Variants in TATDN3 observed in about 807,000 individuals in gnomAD.
TATDN3 encodes TatD DNase domain containing 3.
In TATDN3, 29 loss-of-function variants were observed where a neutral mutation model predicts 40.1. The ratio of observed to expected loss-of-function variants is 0.72; its 90% confidence interval spans 0.54 to 0.99. The LOEUF (loss-of-function observed/expected upper bound fraction) is 0.99, where lower values mean the gene tolerates loss of function less well. Ranked by LOEUF, TATDN3 falls within the 50% of genes least tolerant of loss-of-function variation. The pLI is 0.00. For synonymous variants in TATDN3, 105 were observed against 117.0 expected, an observed-to-expected ratio of 0.90 and a Z score of 0.66; for missense variants, 309 against 321.9, an observed-to-expected ratio of 0.96 and a Z score of 0.31.
intron 4 of TATDN3, among the ~76,000 whole-genome samples, chr1:212,801,192 T>TA (rs958230773): frequency 1.3e-3 from 183 of 146,074 alleles, no homozygotes; most frequent in African/African-American, 4.1e-3. Flanking sequence ...ACCCTATCTT[T>TA]AAAAAAAAAA....
At chr1:212,808,955 C>G (rs979467601) in intron 8 of TATDN3, among the ~76,000 whole-genome samples, 1 of 152,106 alleles carries the variant, frequency 6.6e-6, no homozygotes, top group Admixed American at 6.5e-5. Context: ...AGATTTCCGT[C>G]AGCTGATGAA....
At chr1:212,809,946 C>T (rs1246405216) in intron 8 of TATDN3, among the ~76,000 whole-genome samples, 1 of 151,982 alleles carries the variant, frequency 6.6e-6, no homozygotes, top group Non-Finnish European at 1.5e-5. Flanking sequence ...ATCACTTGAA[C>T]CCAGGAGGCA....
At chr1:212,807,677 A>G in intron 7 of TATDN3, 59 bp from the exon 8 acceptor site, 1 of 1,334,120 alleles carries the variant, frequency 7.5e-7, no homozygotes, top group East Asian at 2.4e-5. Context: ...GACTTCTGTT[A>G]TTTAATTTGA....
At chr1:212,814,850 C>T (rs1663096875) in intron 9 of TATDN3, among the ~76,000 whole-genome samples, 163 bp from the exon 10 acceptor site, 1 of 152,144 alleles carries the variant, frequency 6.6e-6, no homozygotes, top group African/African-American at 2.4e-5. Context: ...ATCAACATTG[C>T]AGCCACACCT....
rs372533080 is a variant in TATDN3, at chr1:212,815,016, C to T, written c.685C>T (p.Arg229Trp). 7.2e-5 allele frequency: 116 copies of T among 1,611,188 alleles called. No individual in the cohort carries two copies. Among genetic ancestry groups the T allele is most frequent in the African/African-American group, 6.7e-5 (5 of 74,750 alleles). ...SPALGPEKQVRNEPWNISISA... is the reference protein window; with the variant it reads ...SPALGPEKQVWNEPWNISISA... ...GGTGTCTGCTGTCTTGTTTCAGGTACGGAATGAGCCCTGGAACATTTCTAT... is the reference window on the plus strand; with the variant it reads ...GGTGTCTGCTGTCTTGTTTCAGGTATGGAATGAGCCCTGGAACATTTCTAT... The change falls in exon 10 of 10, where the codon CGG becomes TGG. Residue 229 changes from arginine to tryptophan, a missense_variant. Physicochemically the swap from Arg to Trp is moderately radical, Grantham distance 101. Coordinates refer to ENST00000366974, the MANE Select transcript of TATDN3 (RefSeq NM_001042552.3).
Position 212,796,500 on chromosome 1 carries a change from C to T in TATDN3, c.100-17C>T, listed in dbSNP as rs1353516492. On this transcript the variant is annotated splice_polypyrimidine_tract_variant and intron_variant, in intron 2 of 9. Transcript: ENST00000366974. ...AATGTATATTGTTTGTAACTTTATT[C>T]TTTTTTTTTTTTTCAGGCCAATGTT... The T allele has an allele frequency of 1.8e-5, 24 of 1,323,862 alleles. No homozygotes were observed. Among genetic ancestry groups the T allele is most frequent in the Admixed American group, 8.2e-5 (3 of 36,532 alleles). The allele number at this position is 1,323,862 out of a possible 1,614,324, so 82.0% of individuals were successfully genotyped here.
chr1:212,812,235 T>C lies in TATDN3; in HGVS notation c.601-13T>C. On this transcript the variant is annotated splice_polypyrimidine_tract_variant and intron_variant, in intron 8 of 9. Coordinates refer to ENST00000366974, the MANE Select transcript of TATDN3 (RefSeq NM_001042552.3). Reference sequence around the variant, plus strand: ...TCATGTTTTAAACTTAGCTGCTTTCTCTTTTCTCTAAGAAGCAGAAACTTG... The same window carrying C: ...TCATGTTTTAAACTTAGCTGCTTTCCCTTTTCTCTAAGAAGCAGAAACTTG... The C allele has an allele frequency of 6.5e-7, 1 of 1,541,658 alleles. No individual in the cohort carries two copies. The highest frequency in any genetic ancestry group is 8.7e-7 in the Non-Finnish European group (1 of 1,142,938).
intron 9 of TATDN3, among the ~76,000 whole-genome samples, chr1:212,813,999 T>A (rs917541083): frequency 1.3e-5 from 2 of 152,080 alleles, no homozygotes; most frequent in Admixed American, 6.6e-5. Context: ...ATTTTTTTTT[T>A]AATAGAGACA....
intron 4 of TATDN3, among the ~76,000 whole-genome samples, chr1:212,800,350 A>G (rs1297788305): frequency 6.6e-6 from 1 of 151,202 alleles, no homozygotes. Flanking sequence ...AGTAATTAAT[A>G]TGCCAACAGT....
intron 4 of TATDN3, among the ~76,000 whole-genome samples, chr1:212,800,455 C>T (rs555759858): frequency 4.4e-4 from 66 of 151,138 alleles, no homozygotes; most frequent in Admixed American, 7.9e-4. Flanking sequence ...AATTCACTGG[C>T]GGCATTCTGC....
At position 212,807,813 on chromosome 1, in the gene TATDN3, T is replaced by C; in HGVS notation, c.565T>C (p.Phe189Leu). 1 of 1,613,724 alleles carries C rather than the reference T, an allele frequency of 6.2e-7. No homozygotes were observed. The highest frequency in any genetic ancestry group is 8.5e-7 in the Non-Finnish European group (1 of 1,179,864). The part of the protein sequence containing the change: ...AMEGVRAGYF[F>L]SIPPSIIRSG... ...GGAAGGAGTAAGAGCTGGGTACTTCTTCTCAATTCCCCCTTCTATCATAAG... is the reference window on the plus strand; with the variant it reads ...GGAAGGAGTAAGAGCTGGGTACTTCCTCTCAATTCCCCCTTCTATCATAAG... The change falls in exon 8 of 10, where the codon TTC (phenylalanine) becomes CTC (leucine). Residue 189 changes from phenylalanine to leucine, a missense_variant. Transcript: ENST00000366974.
intron 8 of TATDN3, among the ~76,000 whole-genome samples, chr1:212,811,889 GA>G (rs1662909294): frequency 2.0e-5 from 3 of 152,070 alleles, no homozygotes; most frequent in Non-Finnish European, 4.4e-5. Flanking sequence ...TTTCAGTAGA[GA>G]TGGGGTTTCA....
intron 2 of TATDN3, among the ~76,000 whole-genome samples, chr1:212,795,383 G>T (rs1010171742): frequency 1.3e-4 from 19 of 151,804 alleles, no homozygotes; most frequent in Non-Finnish European, 2.7e-4. Flanking sequence ...TGATTCTCCT[G>T]CCTCAGCCTC....
At chr1:212,798,536 CAAAAA>C (rs11296428) in intron 4 of TATDN3, among the ~76,000 whole-genome samples, 2 of 91,318 alleles carry the variant, frequency 2.2e-5, no homozygotes, top group Non-Finnish European at 4.2e-5. Flanking sequence ...CTCAAAAACT[CAAAAA>C]AAAAAAAAAA....
rs75744861 is a variant in TATDN3 at position 212,795,074 on chromosome 1, G to C, written c.67-21G>C. ...CTGCTTATTCATCTAAAATAATGGT[G>C]ATTTCTTATGCTTGTTTTAGGATTT... On this transcript the variant is annotated intron_variant, in intron 1 of 9. Coordinates refer to ENST00000366974, the MANE Select transcript of TATDN3 (RefSeq NM_001042552.3). 2.8e-3 allele frequency: 4,457 copies of C among 1,604,206 alleles called. 111 individuals are homozygous for C. The African/African-American group carries it at 0.054, about 19-fold the overall frequency.
At chr1:212,806,503 T>C (rs1464357923) in intron 7 of TATDN3, among the ~76,000 whole-genome samples, 2 of 149,244 alleles carry the variant, frequency 1.3e-5, no homozygotes, top group East Asian at 3.9e-4. Context: ...CACAAGTAGC[T>C]GGGACTATGG....
Position 212,807,824 on chromosome 1 carries a change from C to T in TATDN3, c.576C>T (p.Pro192=). The change falls in exon 8 of 10, where the codon CCC becomes CCT. Residue 192 remains proline, a synonymous_variant. Coordinates refer to ENST00000366974, the MANE Select transcript of TATDN3 (RefSeq NM_001042552.3). The part of the protein sequence containing the change: ...GVRAGYFFSI[P]PSIIRSGQKQ... ...GAGCTGGGTACTTCTTCTCAATTCC[C>T]CCTTCTATCATAAGAAGTGGACAGG... is the stretch of plus-strand genomic sequence containing the variant. 2 of 1,612,922 alleles carry T rather than the reference C, an allele frequency of 1.2e-6. No individual in the cohort carries two copies. Among genetic ancestry groups the T allele is most frequent in the Non-Finnish European group, 1.7e-6 (2 of 1,179,562 alleles).
Position 212,812,310 on chromosome 1 carries a change from A to G in TATDN3, c.663A>G (p.Ala221=). 6.4e-7 allele frequency: 1 copy of G among 1,552,522 alleles called. No individual in the cohort carries two copies. Among genetic ancestry groups the G allele is most frequent in the East Asian group, 2.3e-5 (1 of 43,484 alleles). Residue 221 remains alanine, a synonymous_variant, in exon 9 of 10, where the codon GCA becomes GCG. Coordinates refer to ENST00000366974, the MANE Select transcript of TATDN3 (RefSeq NM_001042552.3). ...TSICLETDSP[A]LGPEKQVRNE... is the part of the protein sequence containing the mutation. ...TATGCTTAGAAACAGATTCACCTGCACTAGGACCAGAAAAACAGGTAAATG... is the reference window on the plus strand; with the variant it reads ...TATGCTTAGAAACAGATTCACCTGCGCTAGGACCAGAAAAACAGGTAAATG...
Position 212,804,449 on chromosome 1 carries a change from A to G in TATDN3, c.431+20A>G. The stretch of plus-strand genomic sequence containing the variant: ...GCCTGTGTAGGTTAATTATTTTCCT[A>G]TGTTAATAGCTATAGAGCAAATTAA... On this transcript the variant is annotated intron_variant, in intron 6 of 9. Coordinates refer to ENST00000366974, the MANE Select transcript of TATDN3 (RefSeq NM_001042552.3). The G allele has an allele frequency of 6.3e-7, 1 of 1,595,448 alleles. No homozygotes were observed. The highest frequency in any genetic ancestry group is 8.6e-7 in the Non-Finnish European group (1 of 1,163,470).
Sources: gnomAD v4.1 joint callset for allele counts (sites outside exome capture counted in the v4.1 genomes callset) on GRCh38, gnomAD v4.1.1 for gene constraint, MANE v1.5 for transcripts, NCBI Gene and HGNC (gene_info 2026-07-23, HGNC 2026-07-21) for gene names.